FANK1: variants seen among roughly 807,000 people sequenced by gnomAD.
The protein encoded by FANK1 is fibronectin type III and ankyrin repeat domains 1, also known as fibronectin type 3 and ankyrin repeat domains protein 1.
In FANK1, 44 loss-of-function variants were observed where a neutral mutation model predicts 45.3. The ratio of observed to expected loss-of-function variants is 0.97; its 90% CI spans 0.76 to 1.25. FANK1 has a LOEUF of 1.25. Among genes scored for constraint, FANK1 ranks in the 50% most tolerant of loss-of-function variants. The probability of loss-of-function intolerance (pLI) is 0.00; values close to 1 mark genes in which losing one functional copy is unlikely to be tolerated. For missense variants in FANK1, 391 were observed against 424.4 expected (o/e 0.92, Z 0.69); for synonymous variants, 149 against 152.5 (o/e 0.98, Z 0.17).
chr10:125,935,467 A>G (rs1589930664), intron 1 of FANK1, among the ~76,000 whole-genome samples: 1 of 152,164 alleles, frequency 6.6e-6, no homozygotes, highest in South Asian at 2.1e-4. Context: ...CATCTAATAT[A>G]TATTTGATGT....
intron 6 of FANK1, among the ~76,000 whole-genome samples, chr10:125,998,069 T>G (rs1317442126): frequency 6.6e-6 from 1 of 152,244 alleles, no homozygotes; most frequent in Non-Finnish European, 1.5e-5. Flanking sequence ...AAACACTTGC[T>G]CATCTAGTCA....
chr10:125,953,889 G>A (rs913640248), intron 1 of FANK1, among the ~76,000 whole-genome samples: 2 of 152,152 alleles, frequency 1.3e-5, no homozygotes, highest in Non-Finnish European at 2.9e-5. Flanking sequence ...AGTCTTGGAT[G>A]AAATCTTTTG....
chr10:125,930,739 G>T (rs982502002), intron 1 of FANK1, among the ~76,000 whole-genome samples: 2 of 152,018 alleles, frequency 1.3e-5, no homozygotes, highest in African/African-American at 4.8e-5. Flanking sequence ...TTTTCCACAA[G>T]TTATTAGGGG....
chr10:125,958,190 C>T (rs926939342), intron 1 of FANK1, among the ~76,000 whole-genome samples: 1 of 152,130 alleles, frequency 6.6e-6, no homozygotes, highest in Non-Finnish European at 1.5e-5. Flanking sequence ...AAACCTCTTC[C>T]TATCTCTCTG....
chr10:125,955,345 C>T (rs1949511448), intron 1 of FANK1, among the ~76,000 whole-genome samples: 1 of 152,084 alleles, frequency 6.6e-6, no homozygotes, highest in Non-Finnish European at 1.5e-5. Flanking sequence ...TAAGTAAGAA[C>T]ATGTAGTGTT....
intron 1 of FANK1, among the ~76,000 whole-genome samples, chr10:125,914,293 T>TATATATATATATATATATATATATA (rs1946273680): frequency 1.3e-5 from 1 of 74,622 alleles, no homozygotes; most frequent in African/African-American, 6.1e-5. Context: ...ATATATATAT[T>TATATATATATATATATATATATATA]TAAAAAGTCT....
intron 6 of FANK1, among the ~76,000 whole-genome samples, chr10:125,999,909 T>A (rs1316323090): frequency 6.6e-6 from 1 of 152,214 alleles, no homozygotes; most frequent in Non-Finnish European, 1.5e-5. Flanking sequence ...GAGGTATGAT[T>A]TATTTCCTGT....
chr10:126,003,236 C>A (rs1952913415), intron 6 of FANK1, among the ~76,000 whole-genome samples: 1 of 151,732 alleles, frequency 6.6e-6, no homozygotes, highest in Admixed American at 6.6e-5. Context: ...TTCATCTATC[C>A]CTTTATTAAC....
intron 2 of FANK1, among the ~76,000 whole-genome samples, chr10:125,986,551 G>A (rs1590175187): frequency 6.6e-6 from 1 of 151,846 alleles, no homozygotes; most frequent in Non-Finnish European, 1.5e-5. Flanking sequence ...ACTCTTCTGC[G>A]CCCTGACTCA....
chr10:125,903,041 G>C (rs61873364), intron 1 of FANK1, among the ~76,000 whole-genome samples: 87 of 124,004 alleles, frequency 7.0e-4, no homozygotes, highest in East Asian at 5.4e-3. Context: ...CCTGACCTCT[G>C]ATGCTGTCAG....
chr10:125,912,114 C>T (rs1299079775), intron 1 of FANK1, among the ~76,000 whole-genome samples: 1 of 152,172 alleles, frequency 6.6e-6, no homozygotes, highest in Non-Finnish European at 1.5e-5. Context: ...GACTGGTTGA[C>T]ATAAGGCGGG....
intron 1 of FANK1, among the ~76,000 whole-genome samples, chr10:125,945,055 G>A (rs913047829): frequency 1.3e-5 from 2 of 152,060 alleles, no homozygotes; most frequent in African/African-American, 4.8e-5. Flanking sequence ...TTCCTTCTTT[G>A]TCCTGCAAGA....
rs186049577 is a variant in FANK1, at chr10:125,939,778, G to A, written c.14-40383G>A. ...TTTCTAGTTTAAAAATACTTTTAAA[G>A]TAGGAAAATACAGATGATTGCCTTA... is the stretch of plus-strand genomic sequence containing the variant. On this transcript the variant is annotated intron_variant, in intron 1 of 10. Transcript: ENST00000368693. 3.1e-3 allele frequency among the ~76,000 whole-genome samples: 479 copies of A among 152,124 alleles called. 5 individuals carry two copies. The highest frequency in any genetic ancestry group is 2.2e-3 in the Non-Finnish European group (148 of 68,000).
intron 1 of FANK1, chr10:125,960,197 C>A: frequency 4.1e-6 from 1 of 241,376 alleles, no homozygotes; most frequent in South Asian, 5.6e-5. Flanking sequence ...TTCCTAGAGT[C>A]TTCAGGGTAA....
At position 125,920,046 on chromosome 10, in the gene FANK1, C is replaced by T. The variant is rs2366338; in HGVS notation, c.13+23391C>T. 2.9e-3 allele frequency among the ~76,000 whole-genome samples: 448 copies of T among 152,270 alleles called. 2 individuals are homozygous for T. Among genetic ancestry groups the T allele is most frequent in the African/African-American group, 0.01 (418 of 41,540 alleles). The stretch of plus-strand genomic sequence containing the variant: ...GACACTGAGGCCCTGTCTAATAATA[C>T]AGAGGTTGAACTTGGACTTGGGAGA... On this transcript the variant is annotated intron_variant, in intron 1 of 10. Coordinates refer to ENST00000368693, the MANE Select transcript of FANK1 (RefSeq NM_145235.5).
At chr10:125,966,939 A>C (rs964420337) in intron 1 of FANK1, among the ~76,000 whole-genome samples, 1 of 152,148 alleles carries the variant, frequency 6.6e-6, no homozygotes, top group Non-Finnish European at 1.5e-5. Flanking sequence ...AAATTCTTTC[A>C]GTTCTTCTGT....
At chr10:125,992,936 G>C (rs1315411078) in intron 3 of FANK1, among the ~76,000 whole-genome samples, 1 of 152,162 alleles carries the variant, frequency 6.6e-6, no homozygotes, top group Non-Finnish European at 1.5e-5. Context: ...GGTAAGAATG[G>C]AAGCATATAG....
chr10:125,940,400 G>T (rs1948374865), intron 1 of FANK1, among the ~76,000 whole-genome samples: 1 of 152,168 alleles, frequency 6.6e-6, no homozygotes, highest in Non-Finnish European at 1.5e-5. Flanking sequence ...GCCTGGATGT[G>T]CACGTAGGCC....
In FANK1 at chr10:125,960,340, C is replaced by T. The variant is rs143906410; in HGVS notation, c.14-19821C>T. The T allele has an allele frequency of 2.1e-3, 488 of 227,674 alleles. 1 individual carries two copies. The highest frequency in any genetic ancestry group is 0.011 in the African/African-American group (465 of 42,740). 14.1% of individuals were successfully genotyped at this position (227,674 alleles called of 1,614,324 possible). ...GCCTGAGAGACCTTGATCCTCTCCA[C>T]GCCGACCTGCAGCTTGAGCTGCTCC... On this transcript the variant is annotated intron_variant, in intron 1 of 10. Coordinates refer to ENST00000368693, the MANE Select transcript of FANK1 (RefSeq NM_145235.5).
Sources: gnomAD v4.1 joint callset for allele counts (sites outside exome capture counted in the v4.1 genomes callset) on GRCh38, gnomAD v4.1.1 for gene constraint, MANE v1.5 for transcripts, NCBI Gene and HGNC (gene_info 2026-07-23, HGNC 2026-07-21) for gene names.